GALK2: variants seen among roughly 807,000 people sequenced by gnomAD.
GALK2 encodes galactokinase 2, also known as N-acetylgalactosamine kinase.
A neutral mutation model predicts 52.4 loss-of-function variants in GALK2; 36 were observed. The observed-to-expected ratio is 0.69, with a 90% confidence interval of 0.53 to 0.91. The LOEUF is 0.91. Ranked by LOEUF, GALK2 falls within the 40% of genes least tolerant of loss-of-function variation. The pLI is 0.00. For synonymous variants in GALK2, 176 were observed against 199.1 expected, an observed-to-expected ratio of 0.88 and a Z score of 0.98; for missense variants, 579 against 559.1, an observed-to-expected ratio of 1.04 and a Z score of -0.36.
intron 5 of GALK2, among the ~76,000 whole-genome samples, chr15:49,242,505 T>C (rs16962177): frequency 0.06 from 9,188 of 152,278 alleles, 552 homozygotes; most frequent in African/African-American, 0.15. Context: ...CGAAAATAAC[T>C]AGCCTGTTTG....
At chr15:49,255,428 TTTTTGTC>T (rs1200516270) in intron 5 of GALK2, among the ~76,000 whole-genome samples, 3 of 143,612 alleles carry the variant, frequency 2.1e-5, no homozygotes, top group East Asian at 3.9e-4. Context: ...CCCCAGCATT[TTTTTGTC>T]TTTTATGACA....
intron 3 of GALK2, among the ~76,000 whole-genome samples, chr15:49,338,107 T>C (rs575504642): frequency 3.9e-5 from 6 of 152,348 alleles, no homozygotes; most frequent in Admixed American, 1.3e-4. Context: ...TGTCTTTTAA[T>C]TGGGGGCATT....
chr15:49,246,962 AGTGAT>A (rs1259055248), intron 5 of GALK2, among the ~76,000 whole-genome samples: 1 of 152,202 alleles, frequency 6.6e-6, no homozygotes, highest in Non-Finnish European at 1.5e-5. Context: ...TATTGGCAGA[AGTGAT>A]GGTATGAGAA....
At chr15:49,335,507 T>A (rs748597613), downstream of GALK2, 4 of 1,601,460 alleles carry the variant, frequency 2.5e-6, no homozygotes, top group Non-Finnish European at 8.6e-7. Context: ...GTGCTAGGCT[T>A]ATTATTAAGG....
At chr15:49,313,717 C>T (rs968310732) in intron 8 of GALK2, among the ~76,000 whole-genome samples, 8 of 152,166 alleles carry the variant, frequency 5.3e-5, no homozygotes, top group African/African-American at 1.9e-4. Context: ...AGCAGGTGCT[C>T]AATAAGAACT....
At chr15:49,222,911 A>G (rs2089903773) in intron 3 of GALK2, among the ~76,000 whole-genome samples, 1 of 152,164 alleles carries the variant, frequency 6.6e-6, no homozygotes, top group Non-Finnish European at 1.5e-5. Flanking sequence ...TTTTGGGACT[A>G]GGTTAATTCC....
chr15:49,192,547 C>T (rs1401346448), intron 1 of GALK2, among the ~76,000 whole-genome samples: 3 of 131,538 alleles, frequency 2.3e-5, no homozygotes, highest in Non-Finnish European at 3.2e-5. Flanking sequence ...ATCTTCAGGG[C>T]AAATTCTTAG....
At chr15:49,194,178 T>G (rs2087005917) in intron 1 of GALK2, 1 of 151,914 alleles carries the variant, frequency 6.6e-6, no homozygotes, top group Non-Finnish European at 1.5e-5. Context: ...ATACAAAAAT[T>G]ATCCAGGCGT....
At chr15:49,213,097 C>T (rs1180175120) in intron 2 of GALK2, among the ~76,000 whole-genome samples, 1 of 152,090 alleles carries the variant, frequency 6.6e-6, no homozygotes, top group African/African-American at 2.4e-5. Context: ...GTTTTGAAAT[C>T]CCCAGCTATT....
At chr15:49,367,335 A>G (rs962625839) in intron 3 of GALK2, 5 of 964,948 alleles carry the variant, frequency 5.2e-6, no homozygotes, top group Non-Finnish European at 7.4e-6. Flanking sequence ...TACTAAACAG[A>G]AGCATTGATA....
Position 49,331,823 on chromosome 15 carries a change from G to C in GALK2, c.*3664G>C. On this transcript the variant is annotated 3_prime_UTR_variant, in exon 10 of 10. Transcript: ENST00000560031. ...CTCAAAGTCCTGTTTCACTTCATGAGGTTTCTTGGTAGCCTTTGCTTGGAG... is the reference window on the plus strand; with the variant it reads ...CTCAAAGTCCTGTTTCACTTCATGACGTTTCTTGGTAGCCTTTGCTTGGAG... 1.2e-6 allele frequency: 2 copies of C among 1,611,392 alleles called. No individual in the cohort carries two copies. Among genetic ancestry groups the C allele is most frequent in the Non-Finnish European group, 1.7e-6 (2 of 1,177,674 alleles).
chr15:49,318,958 T>TC (rs1294622615), intron 8 of GALK2: 1 of 449,432 alleles, frequency 2.2e-6, no homozygotes. Context: ...TTCTTTCTTT[T>TC]TTTTTTTTTT....
intron 8 of GALK2, among the ~76,000 whole-genome samples, chr15:49,299,767 CTTT>C (rs2034907711): frequency 6.7e-5 from 8 of 119,296 alleles, no homozygotes; most frequent in African/African-American, 2.3e-4. Context: ...TTCTTTCTTT[CTTT>C]CTTTCTTTCT....
At chr15:49,314,314 C>T (rs530848741) in intron 8 of GALK2, among the ~76,000 whole-genome samples, 7 of 152,164 alleles carry the variant, frequency 4.6e-5, no homozygotes, top group Admixed American at 1.3e-4. Context: ...TTTTCTCTCA[C>T]ATCTGTAAAG....
intron 3 of GALK2, among the ~76,000 whole-genome samples, chr15:49,340,755 C>T (rs2040599615): frequency 6.6e-6 from 1 of 152,102 alleles, no homozygotes; most frequent in African/African-American, 2.4e-5. Context: ...TGTGCAGAAG[C>T]TCTTTAGTTT....
chr15:49,212,728 T>C (rs1433825568), intron 2 of GALK2, among the ~76,000 whole-genome samples: 2 of 152,182 alleles, frequency 1.3e-5, no homozygotes, highest in African/African-American at 4.8e-5. Context: ...TCATGAAATT[T>C]AAAAATTTCT....
chr15:49,267,644 T>A (rs2092404060), intron 5 of GALK2, among the ~76,000 whole-genome samples: 3 of 152,222 alleles, frequency 2.0e-5, no homozygotes, highest in South Asian at 4.1e-4. Flanking sequence ...TGTGATAACA[T>A]GTTATTTCTG....
chr15:49,263,582 AT>A (rs2092228128), intron 5 of GALK2, among the ~76,000 whole-genome samples: 1 of 107,790 alleles, frequency 9.3e-6, no homozygotes, highest in Non-Finnish European at 1.9e-5. Context: ...TAAAGTTAAT[AT>A]TGTTATATGT....
At chr15:49,230,511 T>C (rs556965745) in intron 3 of GALK2, among the ~76,000 whole-genome samples, 1 of 152,206 alleles carries the variant, frequency 6.6e-6, no homozygotes, top group Non-Finnish European at 1.5e-5. Context: ...CTCTCTTACA[T>C]GATCTATTCT....
Sources: gnomAD v4.1 joint callset for allele counts (sites outside exome capture counted in the v4.1 genomes callset) on GRCh38, gnomAD v4.1.1 for gene constraint, MANE v1.5 for transcripts, NCBI Gene and HGNC (gene_info 2026-07-23, HGNC 2026-07-21) for gene names.